Variants in ARL13B observed in about 807,000 individuals in gnomAD.
ARL13B encodes the protein ARF like GTPase 13B.
In ARL13B, 36 loss-of-function variants were observed where a neutral mutation model predicts 56.1. That is an observed-to-expected ratio of 0.64 (90% CI 0.49 to 0.85). The LOEUF (loss-of-function observed/expected upper bound fraction) is 0.85. Among genes scored for constraint, ARL13B ranks in the 40% least tolerant of loss-of-function variants. ARL13B has a pLI of 0.00. For missense variants in ARL13B, 519 were observed against 507.1 expected (o/e 1.02, Z -0.23); for synonymous variants, 178 against 171.1 (o/e 1.04, Z -0.32).
rs2076590980 is a variant in ARL13B, at chr3:94,027,892, AAAC to A, written c.381-7433_381-7431del. 1.3e-5 allele frequency among the ~76,000 whole-genome samples: 2 copies of A among 152,266 alleles called. 1 individual carries two copies. Among genetic ancestry groups the A allele is most frequent in the East Asian group, 3.9e-4 (2 of 5,192 alleles). On this transcript the variant is annotated intron_variant, in intron 3 of 9. Transcript: ENST00000394222. ...TTTTTCAATTTTAGAAGATTCTAGT[AAAC>A]AACAATGAAGCAATTAAGACCATTA...
chr3:94,029,332 A>ATTTT (rs1230277806), intron 3 of ARL13B, among the ~76,000 whole-genome samples: 13 of 72,372 alleles, frequency 1.8e-4, no homozygotes, highest in African/African-American at 4.2e-4. Flanking sequence ...ATATATATAT[A>ATTTT]TATTTATTTT....
At chr3:94,004,827 T>A (rs533320940) in intron 3 of ARL13B, among the ~76,000 whole-genome samples, 1 of 152,098 alleles carries the variant, frequency 6.6e-6, no homozygotes, top group Non-Finnish European at 1.5e-5. Flanking sequence ...AGAAGTTATT[T>A]GATTTGTATA....
At chr3:94,026,160 C>T (rs948411462) in intron 3 of ARL13B, among the ~76,000 whole-genome samples, 2 of 152,068 alleles carry the variant, frequency 1.3e-5, no homozygotes, top group African/African-American at 4.8e-5. Flanking sequence ...GCTGGGACTA[C>T]AGGCGCCCGC....
intron 7 of ARL13B, among the ~76,000 whole-genome samples, chr3:94,045,944 C>A (rs1487724698): frequency 5.5e-5 from 6 of 109,500 alleles, no homozygotes; most frequent in Non-Finnish European, 1.0e-4. Flanking sequence ...GAGCAAGACT[C>A]CATCACAAAA....
chr3:93,981,865 CAA>C (rs11396818), intron 1 of ARL13B, among the ~76,000 whole-genome samples: 5 of 68,394 alleles, frequency 7.3e-5, no homozygotes, highest in African/African-American at 1.6e-4. Flanking sequence ...AACCCTGTCT[CAA>C]AAAAAAAAAA....
At chr3:94,002,704 T>G in intron 2 of ARL13B, among the ~76,000 whole-genome samples, 1 of 152,164 alleles carries the variant, frequency 6.6e-6, no homozygotes, top group Admixed American at 6.5e-5. Flanking sequence ...TCTAGAGACT[T>G]TTGCAAGATT....
intron 1 of ARL13B, among the ~76,000 whole-genome samples, chr3:93,985,755 CCA>C (rs1266628882): frequency 6.6e-6 from 1 of 152,160 alleles, no homozygotes; most frequent in African/African-American, 2.4e-5. Context: ...CACCATTCTT[CCA>C]CAGAGTTAAC....
At chr3:93,989,290 A>G (rs1657078605) in intron 1 of ARL13B, among the ~76,000 whole-genome samples, 1 of 152,172 alleles carries the variant, frequency 6.6e-6, no homozygotes, top group Admixed American at 6.5e-5. Context: ...AATGGGGTTC[A>G]GAAAATGTTT....
chr3:94,025,850 C>T (rs2076544913), intron 3 of ARL13B, among the ~76,000 whole-genome samples: 1 of 152,110 alleles, frequency 6.6e-6, no homozygotes, highest in Non-Finnish European at 1.5e-5. Flanking sequence ...TTGTATTATT[C>T]CTAGTTAACT....
chr3:93,981,865 C>CAAAAAAAAAA (rs11396818), intron 1 of ARL13B, among the ~76,000 whole-genome samples: 12 of 68,374 alleles, frequency 1.8e-4, no homozygotes, highest in East Asian at 9.4e-4. Context: ...AACCCTGTCT[C>CAAAAAAAAAA]AAAAAAAAAA....
At chr3:94,007,648 G>T (rs770863110) in intron 3 of ARL13B, among the ~76,000 whole-genome samples, 1 of 151,988 alleles carries the variant, frequency 6.6e-6, no homozygotes, top group Non-Finnish European at 1.5e-5. Context: ...CAACAATATG[G>T]GGGAAACTGC....
chr3:94,040,912 G>GT (rs1173884433), intron 6 of ARL13B, among the ~76,000 whole-genome samples: 1 of 152,004 alleles, frequency 6.6e-6, no homozygotes, highest in East Asian at 1.9e-4. Flanking sequence ...TCCCAGCACC[G>GT]TATTTCCCAC....
rs775171512 is a variant in ARL13B at position 94,042,969 on chromosome 3, A to G, written c.799-46A>G. 6 of 1,466,990 alleles carry G rather than the reference A, an allele frequency of 4.1e-6. No individual in the cohort carries two copies. The Admixed American group carries it at 1.2e-4, about 30-fold the overall frequency. The allele number at this position is 1,466,990 out of a possible 1,614,324, so 90.9% of individuals were successfully genotyped here. A position where few individuals can be genotyped will look rare whatever the true frequency, so the allele number is the denominator to read the frequency against. ...ATTTCCTCTCCCTTAAAACTATCTT[A>G]GATAAAACCATCATAGTAAAGATAA... is the stretch of plus-strand genomic sequence containing the variant. On this transcript the variant is annotated intron_variant, in intron 6 of 9. Coordinates refer to ENST00000394222, the MANE Select transcript of ARL13B (RefSeq NM_001174150.2).
chr3:94,014,598 G>T, intron 3 of ARL13B: 3 of 1,612,786 alleles, frequency 1.9e-6, no homozygotes, highest in Non-Finnish European at 2.5e-6. Context: ...CCTTTATTTG[G>T]TTCTCCAAAT....
intron 3 of ARL13B, among the ~76,000 whole-genome samples, chr3:94,024,607 A>G (rs1287015649): frequency 6.6e-6 from 1 of 152,072 alleles, no homozygotes; most frequent in Non-Finnish European, 1.5e-5. Context: ...TATTTTTGAG[A>G]TAGGATCTCA....
intron 7 of ARL13B, among the ~76,000 whole-genome samples, chr3:94,045,177 G>C (rs1476278771): frequency 6.6e-6 from 1 of 152,124 alleles, no homozygotes; most frequent in Non-Finnish European, 1.5e-5. Flanking sequence ...AACGTGCTGT[G>C]TCAACTCAGG....
chr3:94,055,629 G>A lies in ARL13B; in HGVS notation c.*2366G>A, dbSNP rs371767346. On this transcript the variant is annotated 3_prime_UTR_variant, in exon 10 of 10. Coordinates refer to ENST00000394222, the MANE Select transcript of ARL13B (RefSeq NM_001174150.2). Reference sequence around the variant, plus strand: ...AAAATGCATATTACGTAGTATACATGATATTGTATGTAACTGACTTCAAAT... The same window carrying A: ...AAAATGCATATTACGTAGTATACATAATATTGTATGTAACTGACTTCAAAT... 32 of 453,654 alleles carry A rather than the reference G, an allele frequency of 7.1e-5. No homozygotes were observed. The East Asian group carries it at 1.0e-3, about 15-fold the overall frequency. The allele number at this position is 453,654 out of a possible 1,614,324, so 28.1% of individuals were successfully genotyped here. A position where few individuals can be genotyped will look rare whatever the true frequency, so the allele number is the denominator to read the frequency against.
chr3:94,021,691 T>C (rs1207962293), intron 3 of ARL13B, among the ~76,000 whole-genome samples: 2 of 152,164 alleles, frequency 1.3e-5, no homozygotes, highest in Admixed American at 6.5e-5. Flanking sequence ...TTAAAGTAGG[T>C]TGGCTTAGTA....
In ARL13B at chr3:94,036,691, G is replaced by C. The variant is rs199790565; in HGVS notation, c.626G>C (p.Arg209Pro). ...ATCCAAAAAGAGACAACAGAGCAGC[G>C]TGCTCTTGAGGAACAAGAGAAACAA... ...ERIQKETTEQ[R>P]ALEEQEKQER... Residue 209 changes from arginine (R) to proline (P), a missense_variant, in exon 5 of 10, where the codon CGT becomes CCT. Physicochemically the swap from Arg to Pro is moderately radical, Grantham distance 103. Transcript: ENST00000394222. 1 of 1,613,856 alleles carries C rather than the reference G, an allele frequency of 6.2e-7. No individual in the cohort carries two copies. The highest frequency in any genetic ancestry group is 2.2e-5 in the East Asian group (1 of 44,858).
Sources: allele counts gnomAD v4.1 joint callset (sites outside exome capture counted in the v4.1 genomes callset), GRCh38; gene constraint gnomAD v4.1.1; transcripts MANE v1.5; gene names NCBI Gene and HGNC (gene_info 2026-07-23, HGNC 2026-07-21).